Variants in PYGM observed in about 807,000 individuals in gnomAD.
The protein encoded by PYGM is glycogen phosphorylase, muscle form.
Under a neutral mutation model 99.3 loss-of-function variants are expected in PYGM, and 81 were observed. That is an observed-to-expected ratio of 0.82 (90% CI 0.68 to 0.98). The LOEUF (loss-of-function observed/expected upper bound fraction) is 0.98. Among genes scored for constraint, PYGM ranks in the 50% least tolerant of loss-of-function variants. The pLI, the probability that PYGM is intolerant of heterozygous loss-of-function variation, is 0.00. For missense variants in PYGM, 1,030 were observed against 1,158.1 expected (o/e 0.89, Z 1.61); for synonymous variants, 436 against 451.5 (o/e 0.97, Z 0.44).
chr11:64,757,081 C>T (rs1194413525), intron 5 of PYGM, among the ~76,000 whole-genome samples: 5 of 152,128 alleles, frequency 3.3e-5, no homozygotes, highest in Admixed American at 6.6e-5. Flanking sequence ...CACACCATCA[C>T]GCCTGGCTAA....
rs773650014 is a variant in PYGM at position 64,747,031 on chromosome 11, A to G, written c.2313-44T>C. On this transcript the variant is annotated intron_variant, in intron 18 of 19. Transcript: ENST00000164139. ...GCATGTGCTATTCCTTTAGGGGGCT[A>G]GGATAAGTTCTATGAGGTCAAGGGC... 87 of 1,606,066 alleles carry G rather than the reference A, an allele frequency of 5.4e-5. No individual in the cohort carries two copies. The South Asian group carries it at 8.9e-4, about 16-fold the overall frequency.
rs377117150 is a variant in PYGM at position 64,751,667 on chromosome 11, C to T, written c.1769-12G>A. ...CTCCCTCTTGATGCCTGTGGAGAAA[C>T]GAGAGGGATCCAGTGGGCCTACCTT... is the stretch of plus-strand genomic sequence containing the variant. On this transcript the variant is annotated splice_polypyrimidine_tract_variant and intron_variant, in intron 14 of 19. Coordinates refer to ENST00000164139, the MANE Select transcript of PYGM (RefSeq NM_005609.4). 2.0e-4 allele frequency: 317 copies of T among 1,613,782 alleles called. No individual in the cohort carries two copies. The highest frequency in any genetic ancestry group is 2.3e-4 in the Non-Finnish European group (268 of 1,179,866).
At chr11:64,751,140 C>T in intron 16 of PYGM, 185 bp downstream of exon 16, 1 of 837,754 alleles carries the variant, frequency 1.2e-6, no homozygotes, top group Non-Finnish European at 1.9e-6. Flanking sequence ...GATCCACCCA[C>T]CTTGGCCTCC....
intron 13 of PYGM, 78 bp from the exon 14 acceptor site, chr11:64,752,149 C>A: frequency 6.3e-7 from 1 of 1,599,090 alleles, no homozygotes. Context: ...CCAGTCAGCC[C>A]CAGGAGGATG....
At chr11:64,747,488 A>C (rs1248834930) in intron 17 of PYGM, 130 bp from the exon 18 acceptor site, 2 of 1,244,332 alleles carry the variant, frequency 1.6e-6, no homozygotes, top group Non-Finnish European at 2.3e-6. Flanking sequence ...GGGCTGCCAC[A>C]TCGCCCCTGC....
chr11:64,758,590 A>AC lies in PYGM; in HGVS notation c.345+12dup. Reference sequence around the variant, plus strand: ...TCCCCCAGTCCCCACGGCTTGCCCCACCCCACACACACCTGGTAGGTGGCC... The same window carrying AC: ...TCCCCCAGTCCCCACGGCTTGCCCCACCCCCACACACACCTGGTAGGTGGCC... On this transcript the variant is annotated intron_variant, in intron 2 of 19. Transcript: ENST00000164139. 1.2e-6 allele frequency: 2 copies of AC among 1,612,886 alleles called. No homozygotes were observed. The highest frequency in any genetic ancestry group is 1.7e-6 in the Non-Finnish European group (2 of 1,179,222).
intron 11 of PYGM, 43 bp from the exon 12 acceptor site, chr11:64,753,230 C>T: frequency 5.9e-6 from 9 of 1,531,930 alleles, no homozygotes; most frequent in Middle Eastern, 1.7e-4. Context: ...CACCCCTGTA[C>T]AATGAAGGCC....
rs201329052 is a variant in PYGM at position 64,755,384 on chromosome 11, G to A, written c.773-29C>T. The A allele has an allele frequency of 6.2e-7, 1 of 1,613,454 alleles. No homozygotes were observed. Among genetic ancestry groups the A allele is most frequent in the African/African-American group, 1.3e-5 (1 of 75,048 alleles). ...AGGGACAAAAGTGGGGACAGGGTAA[G>A]GCCTGCGCTGGGCGTGGCCGGCGGG... On this transcript the variant is annotated intron_variant, in intron 6 of 19. Coordinates refer to ENST00000164139, the MANE Select transcript of PYGM (RefSeq NM_005609.4). The surrounding 1 kb of genome is among the most constrained non-coding windows in gnomAD (Gnocchi z 4.1).
rs763385602 is a variant in PYGM at position 64,751,399 on chromosome 11, T to C, written c.1895A>G (p.Asn632Ser). The C allele has an allele frequency of 1.2e-6, 2 of 1,614,158 alleles. No homozygotes were observed. The highest frequency in any genetic ancestry group is 1.7e-6 in the Non-Finnish European group (2 of 1,180,024). Residue 632 changes from asparagine (N) to serine (S), a missense_variant, in exon 16 of 20, where the codon AAC becomes AGC. By Grantham distance (46) the Asn-to-Ser change is conservative (BLOSUM62 1). Coordinates refer to ENST00000164139, the MANE Select transcript of PYGM (RefSeq NM_005609.4). ...RLVTAIGDVV[N>S]HDPAVGDRLR... ...GCGGTCACCCACTGCCGGGTCATGGTTGACCACATCCCCGATGGCTGTGAC... is the reference window on the plus strand; with the variant it reads ...GCGGTCACCCACTGCCGGGTCATGGCTGACCACATCCCCGATGGCTGTGAC...
intron 17 of PYGM, chr11:64,748,672 A>AC (rs1288734523): frequency 1.3e-5 from 2 of 152,256 alleles, no homozygotes; most frequent in African/African-American, 4.8e-5. Context: ...AAGTTGTGAC[A>AC]TGCTCATAGG....
At chr11:64,750,633 C>T in intron 16 of PYGM, 50 bp from the exon 17 acceptor site, 3 of 1,570,648 alleles carry the variant, frequency 1.9e-6, no homozygotes, top group Non-Finnish European at 2.6e-6. Flanking sequence ...GACCCTCACA[C>T]CAGCTGGGGA....
At position 64,757,861 on chromosome 11, in the gene PYGM, G is replaced by A. The variant is rs1226003414; in HGVS notation, c.578C>T (p.Ala193Val). The A allele has an allele frequency of 6.2e-7, 1 of 1,614,162 alleles. No individual in the cohort carries two copies. Among genetic ancestry groups the A allele is most frequent in the Admixed American group, 1.7e-5 (1 of 60,028 alleles). ...CACAGGTAGCGTGAACTCGGGCCGGGCCTTCTCCCAGGGGTTGCCGTAGCG... is the reference window on the plus strand; with the variant it reads ...CACAGGTAGCGTGAACTCGGGCCGGACCTTCTCCCAGGGGTTGCCGTAGCG... ...WLRYGNPWEK[A>V]RPEFTLPVHF... The change falls in exon 5 of 20, where the codon GCC (alanine) becomes GTC (valine). Residue 193 changes from alanine (A) to valine (V), a missense_variant. Transcript: ENST00000164139.
At chr11:64,757,708 G>C in intron 5 of PYGM, 71 bp downstream of exon 5, 2 of 1,601,972 alleles carry the variant, frequency 1.2e-6, no homozygotes, top group Non-Finnish European at 1.7e-6. Context: ...ACTGGGTCCT[G>C]CTTCCTCTCT....
intron 14 of PYGM, 69 bp from the exon 15 acceptor site, chr11:64,751,724 G>A: frequency 2.5e-6 from 4 of 1,581,612 alleles, no homozygotes; most frequent in South Asian, 2.2e-5. Flanking sequence ...GACAGAGGCT[G>A]GGCTGGGACA....
Position 64,747,239 on chromosome 11 carries a change from A to G in PYGM, c.2297T>C (p.Leu766Pro). Residue 766 changes from leucine to proline, a missense_variant, in exon 18 of 20, where the codon CTC (leucine) becomes CCC (proline). Transcript: ENST00000164139. ...PDLFKDIVNM[L>P]MHHDRFKVFA... ...ACCAGCTCACCGGTCATGGTGCATG[A>G]GCATATTGACAATGTCCTTGAACAG... 1 of 1,614,082 alleles carries G rather than the reference A, an allele frequency of 6.2e-7. No homozygotes were observed.
intron 5 of PYGM, among the ~76,000 whole-genome samples, chr11:64,756,772 C>A (rs1269135789): frequency 6.6e-6 from 1 of 151,970 alleles, no homozygotes; most frequent in Non-Finnish European, 1.5e-5. Context: ...ATTTGTACAC[C>A]TGGTTTGGTT....
rs754958776 is a variant in PYGM, at chr11:64,753,647, C to G, written c.1275G>C (p.Arg425=). The change falls in exon 11 of 20, where the codon CGG becomes CGC. Residue 425 remains arginine (R), a synonymous_variant. Transcript: ENST00000164139. ...CCTCCACCAGCGACATGCGCCGCAG[C>G]CGGTCTACGTCCCCTGGGAATGCGG... ...VAAAFPGDVD[R]LRRMSLVEEG... is the part of the protein sequence containing the mutation. 2 of 1,608,706 alleles carry G rather than the reference C, an allele frequency of 1.2e-6. No individual in the cohort carries two copies. Among genetic ancestry groups the G allele is most frequent in the Non-Finnish European group, 8.5e-7 (1 of 1,179,380 alleles).
Position 64,747,374 on chromosome 11 carries a change from T to G in PYGM, c.2178-16A>C. 6.2e-7 allele frequency: 1 copy of G among 1,614,102 alleles called. No homozygotes were observed. The highest frequency in any genetic ancestry group is 8.5e-7 in the Non-Finnish European group (1 of 1,179,996). On this transcript the variant is annotated splice_polypyrimidine_tract_variant and intron_variant, in intron 17 of 19. Coordinates refer to ENST00000164139, the MANE Select transcript of PYGM (RefSeq NM_005609.4). ...GGCATTGTACCTGCCAGGACAGAGCTGTGGTCAGCTCCCCGGAAAGGGGTT... is the reference window on the plus strand; with the variant it reads ...GGCATTGTACCTGCCAGGACAGAGCGGTGGTCAGCTCCCCGGAAAGGGGTT...
rs2135824043 is a variant in PYGM, at chr11:64,747,264, G to A, written c.2272C>T (p.Leu758=). ...SGFFSPKQPD[L]FKDIVNMLMH... is the part of the protein sequence containing the mutation. Reference sequence around the variant, plus strand: ...AGCATATTGACAATGTCCTTGAACAGGTCGGGCTGTTTGGGGGAGAAGAAG... The same window carrying A: ...AGCATATTGACAATGTCCTTGAACAAGTCGGGCTGTTTGGGGGAGAAGAAG... Residue 758 remains leucine (L), a synonymous_variant, in exon 18 of 20, where the codon CTG becomes TTG. Coordinates refer to ENST00000164139, the MANE Select transcript of PYGM (RefSeq NM_005609.4). The A allele has an allele frequency of 6.2e-7, 1 of 1,614,174 alleles. No individual in the cohort carries two copies. The highest frequency in any genetic ancestry group is 8.5e-7 in the Non-Finnish European group (1 of 1,179,980).
Sources: allele counts gnomAD v4.1 joint callset (sites outside exome capture counted in the v4.1 genomes callset), GRCh38; gene constraint gnomAD v4.1.1; non-coding constraint Gnocchi (gnomAD v3.1); transcripts MANE v1.5; gene names NCBI Gene and HGNC (gene_info 2026-07-23, HGNC 2026-07-21).